ESR1: variants seen among roughly 807,000 people sequenced by gnomAD.
ESR1 encodes estrogen receptor.
A neutral mutation model predicts 52.7 loss-of-function variants in ESR1; 12 were observed. That is an observed-to-expected ratio of 0.23 (90% CI 0.15 to 0.37). The LOEUF is 0.37. Among genes scored for constraint, ESR1 ranks in the 10% least tolerant of loss-of-function variants. ESR1 has a pLI of 1.00. For missense variants in ESR1, 584 were observed against 779.7 expected (o/e 0.75, Z 2.99); for synonymous variants, 305 against 316.8 (o/e 0.96, Z 0.39).
intron 3 of ESR1, among the ~76,000 whole-genome samples, chr6:151,893,764 G>A (rs1384983236): frequency 6.6e-6 from 1 of 152,134 alleles, no homozygotes; most frequent in Admixed American, 6.5e-5. Context: ...TGTGCTTAAG[G>A]AGGCTGCTGG....
chr6:151,753,131 C>T (rs1784021644), intron 2 of ESR1, among the ~76,000 whole-genome samples: 1 of 152,178 alleles, frequency 6.6e-6, no homozygotes, highest in Non-Finnish European at 1.5e-5. Flanking sequence ...ACCAACTACA[C>T]AGCTTCTTCA....
intron 2 of ESR1, among the ~76,000 whole-genome samples, chr6:151,733,168 C>T (rs779273760): frequency 6.6e-6 from 1 of 152,166 alleles, no homozygotes; most frequent in Non-Finnish European, 1.5e-5. Context: ...TCTCATACTC[C>T]CATTTTACAG....
chr6:151,968,711 C>T (rs569416492), intron 4 of ESR1, among the ~76,000 whole-genome samples: 6 of 151,970 alleles, frequency 3.9e-5, no homozygotes, highest in Admixed American at 1.3e-4. Flanking sequence ...AAAAAGTTTC[C>T]CTGCCATGCC....
At chr6:151,809,339 A>T in intron 1 of ESR1, 1 of 265,170 alleles carries the variant, frequency 3.8e-6, no homozygotes, top group Non-Finnish European at 8.3e-6. Flanking sequence ...TCTCCCTCCC[A>T]TTTTCTCTTG....
At chr6:151,784,439 A>T (rs1786827747) in intron 2 of ESR1, among the ~76,000 whole-genome samples, 2 of 152,148 alleles carry the variant, frequency 1.3e-5, no homozygotes, top group Non-Finnish European at 2.9e-5. Flanking sequence ...AAAACACTTT[A>T]AAAAAATGAA....
At chr6:151,758,787 G>A (rs1188651612) in intron 2 of ESR1, among the ~76,000 whole-genome samples, 1 of 150,870 alleles carries the variant, frequency 6.6e-6, no homozygotes, top group Non-Finnish European at 1.5e-5. Context: ...AGAAGAAGGA[G>A]AGGAAGCTGG....
intron 1 of ESR1, among the ~76,000 whole-genome samples, chr6:151,692,201 T>A (rs1165657779): frequency 6.6e-6 from 1 of 152,220 alleles, no homozygotes; most frequent in African/African-American, 2.4e-5. Context: ...TCTGTGTCTT[T>A]TTGTTCAATA....
intron 4 of ESR1, among the ~76,000 whole-genome samples, chr6:151,963,048 A>G (rs910408991): frequency 6.6e-6 from 1 of 152,062 alleles, no homozygotes; most frequent in African/African-American, 2.4e-5. Context: ...CTGGTCCCCA[A>G]ATTATCTCTT....
chr6:151,676,755 C>T (rs752391640), intron 1 of ESR1, among the ~76,000 whole-genome samples: 43 of 152,236 alleles, frequency 2.8e-4, no homozygotes, highest in Non-Finnish European at 5.3e-4. Flanking sequence ...CCTTCCCACT[C>T]GCGGAAGCTG....
Position 151,814,738 on chromosome 6 carries a change from A to G in ESR1, c.452+6374A>G, listed in dbSNP as rs182096042. ...CATTCATTTGGCTACCTTATTCCAAATTGAGTCATTCATTGAGGGCTTAGA... is the reference window on the plus strand; with the variant it reads ...CATTCATTTGGCTACCTTATTCCAAGTTGAGTCATTCATTGAGGGCTTAGA... On this transcript the variant is annotated intron_variant, in intron 1 of 7. Transcript: ENST00000206249. 2.6e-5 allele frequency among the ~76,000 whole-genome samples: 4 copies of G among 152,338 alleles called. No individual in the cohort carries two copies. The East Asian group carries it at 7.7e-4, about 29-fold the overall frequency.
intron 2 of ESR1, among the ~76,000 whole-genome samples, chr6:151,773,582 T>C (rs951223774): frequency 2.0e-5 from 3 of 152,168 alleles, no homozygotes; most frequent in African/African-American, 7.2e-5. Context: ...AACCGGAGAC[T>C]TTACCCTGGT....
chr6:151,899,977 C>G (rs1304041117), intron 3 of ESR1, among the ~76,000 whole-genome samples: 1 of 152,166 alleles, frequency 6.6e-6, no homozygotes, highest in Non-Finnish European at 1.5e-5. Context: ...AGACGCTCCT[C>G]ACTTCCCAGA....
intron 1 of ESR1, among the ~76,000 whole-genome samples, chr6:151,660,816 C>CA (rs1777613190): frequency 6.6e-6 from 1 of 152,180 alleles, no homozygotes; most frequent in African/African-American, 2.4e-5. Context: ...TACACTGCCT[C>CA]ATTTCTAAAT....
At chr6:151,691,353 G>T (rs540971453) in intron 1 of ESR1, among the ~76,000 whole-genome samples, 1 of 152,282 alleles carries the variant, frequency 6.6e-6, no homozygotes, top group South Asian at 2.1e-4. Context: ...TAATGATGTG[G>T]CAGTCACAAG....
chr6:151,940,552 T>C (rs1272746341), intron 3 of ESR1, among the ~76,000 whole-genome samples: 1 of 152,222 alleles, frequency 6.6e-6, no homozygotes, highest in Non-Finnish European at 1.5e-5. Flanking sequence ...TTCCACTTAC[T>C]TCTTTACATA....
chr6:151,781,077 GTGGAAGAACCCT>G (rs1786498949), intron 2 of ESR1, among the ~76,000 whole-genome samples: 1 of 152,132 alleles, frequency 6.6e-6, no homozygotes, highest in African/African-American at 2.4e-5. Flanking sequence ...AATTTCATAA[GTGGAAGAACCCT>G]TGAAGATTAT....
intron 2 of ESR1, among the ~76,000 whole-genome samples, chr6:151,707,178 A>G (rs1478244840): frequency 1.3e-5 from 2 of 152,226 alleles, no homozygotes; most frequent in African/African-American, 2.4e-5. Context: ...AAAAATGATT[A>G]TTACATTTTT....
intron 2 of ESR1, among the ~76,000 whole-genome samples, chr6:151,785,772 G>A (rs1786963338): frequency 6.6e-6 from 1 of 152,214 alleles, no homozygotes; most frequent in Non-Finnish European, 1.5e-5. Context: ...GTGATAATGG[G>A]TAAGCAATCC....
At chr6:151,790,583 CTT>C (rs536260263) in intron 2 of ESR1, among the ~76,000 whole-genome samples, 18 of 143,688 alleles carry the variant, frequency 1.3e-4, no homozygotes, top group Admixed American at 4.2e-4. Context: ...CTTCTTGCTG[CTT>C]TTTTTTTTTT....
Sources: gnomAD v4.1 joint callset for allele counts (sites outside exome capture counted in the v4.1 genomes callset) on GRCh38, gnomAD v4.1.1 for gene constraint, MANE v1.5 for transcripts, NCBI Gene and HGNC (gene_info 2026-07-23, HGNC 2026-07-21) for gene names.